Variants in PCDH15 observed in about 807,000 individuals in gnomAD.
The protein encoded by PCDH15 is protocadherin-15.
A neutral mutation model predicts 178.5 loss-of-function variants in PCDH15; 129 were observed. The ratio of observed to expected loss-of-function variants is 0.72; its 90% CI spans 0.63 to 0.84. The LOEUF (loss-of-function observed/expected upper bound fraction) is 0.84. Among genes scored for constraint, PCDH15 ranks in the 40% least tolerant of loss-of-function variants. The pLI is 0.00. For missense variants in PCDH15, 2,230 were observed against 2,099.9 expected, an observed-to-expected ratio of 1.06 and a Z score of -1.21; for synonymous variants, 800 against 732.0, an observed-to-expected ratio of 1.09 and a Z score of -1.50.
chr10:55,308,688 G>C (rs1843494767), intron 1 of PCDH15, among the ~76,000 whole-genome samples: 1 of 152,132 alleles, frequency 6.6e-6, no homozygotes, highest in South Asian at 2.1e-4. Context: ...AAAATCACCT[G>C]TTCCTACTTA....
intron 13 of PCDH15, among the ~76,000 whole-genome samples, chr10:54,176,152 G>A (rs1006541078): frequency 2.6e-5 from 4 of 152,086 alleles, no homozygotes; most frequent in South Asian, 2.1e-4. Context: ...TACATTAGTC[G>A]AGGGAATTAA....
intron 2 of PCDH15, among the ~76,000 whole-genome samples, chr10:54,932,828 C>A (rs917204758): frequency 6.6e-6 from 1 of 152,032 alleles, no homozygotes; most frequent in Non-Finnish European, 1.5e-5. Flanking sequence ...TGAGCCACTG[C>A]GTCCAGCCCA....
At chr10:55,458,843 AC>A (rs1330872288) in intron 2 of PCDH15, among the ~76,000 whole-genome samples, 2 of 152,086 alleles carry the variant, frequency 1.3e-5, no homozygotes, top group African/African-American at 4.8e-5. Context: ...GACAATACGT[AC>A]AGACTAGTGA....
At chr10:55,226,777 A>G (rs1307336509) in intron 1 of PCDH15, among the ~76,000 whole-genome samples, 8 of 152,096 alleles carry the variant, frequency 5.3e-5, no homozygotes, top group Non-Finnish European at 2.9e-5. Flanking sequence ...TTTAAAACAG[A>G]AAATATTTAA....
rs759034797 is a variant in PCDH15 at position 54,183,545 on chromosome 10, T to A, written c.1489A>T (p.Ile497Phe). ...TTATCATTTGCATCCATCACTTGAA[T>A]ATTGACGATGACTGGCTCACTTTCT... ...VQESEPVIVN[I>F]QVMDANDNTP... The change falls in exon 13 of 38, where the codon ATT (isoleucine) becomes TTT (phenylalanine). Residue 497 changes from isoleucine to phenylalanine, a missense_variant. By Grantham distance (21) the Ile-to-Phe change is conservative. Coordinates refer to ENST00000644397, the MANE Select transcript of PCDH15 (RefSeq NM_001384140.1). 1 of 1,614,038 alleles carries A rather than the reference T, an allele frequency of 6.2e-7. No homozygotes were observed. Among genetic ancestry groups the A allele is most frequent in the Non-Finnish European group, 8.5e-7 (1 of 1,179,966 alleles).
intron 2 of PCDH15, among the ~76,000 whole-genome samples, chr10:55,039,277 G>A (rs1291066699): frequency 6.6e-6 from 1 of 152,038 alleles, no homozygotes; most frequent in East Asian, 1.9e-4. Context: ...TTTTAATTGT[G>A]TTCATGAAGA....
intron 8 of PCDH15, among the ~76,000 whole-genome samples, chr10:54,247,382 A>T (rs2056053672): frequency 6.6e-6 from 1 of 152,010 alleles, no homozygotes; most frequent in Non-Finnish European, 1.5e-5. Flanking sequence ...TGGCACACGG[A>T]GACTCAAAAA....
At chr10:55,033,683 TTTAAAG>T (rs1840666541) in intron 2 of PCDH15, among the ~76,000 whole-genome samples, 1 of 152,182 alleles carries the variant, frequency 6.6e-6, no homozygotes, top group South Asian at 2.1e-4. Context: ...GGACTTAGAC[TTTAAAG>T]TTGATTCTGA....
At chr10:53,842,462 G>A (rs922366529) in intron 28 of PCDH15, among the ~76,000 whole-genome samples, 5 of 152,084 alleles carry the variant, frequency 3.3e-5, no homozygotes, top group African/African-American at 1.2e-4. Context: ...GGTCAGGCTG[G>A]TCTCAAATTC....
At chr10:53,978,947 G>GCCATTCAACAAATCTCTAT (rs1040619612) in intron 21 of PCDH15, among the ~76,000 whole-genome samples, 15 of 152,086 alleles carry the variant, frequency 9.9e-5, no homozygotes, top group Non-Finnish European at 2.2e-4. Context: ...TTTGTTCAAA[G>GCCATTCAACAAATCTCTAT]CCATTCAACA....
intron 2 of PCDH15, among the ~76,000 whole-genome samples, chr10:55,366,633 C>A (rs1348911225): frequency 6.6e-6 from 1 of 152,010 alleles, no homozygotes; most frequent in African/African-American, 2.4e-5. Context: ...GTTAACAAAC[C>A]ATTTTTAGGA....
At chr10:53,810,809 A>G in intron 36 of PCDH15, 145 bp from the exon 37 acceptor site, 1 of 737,162 alleles carries the variant, frequency 1.4e-6, no homozygotes, top group South Asian at 1.5e-5. Context: ...TAAACTAGTT[A>G]CAAAACTATA....
At chr10:55,270,325 G>C (rs1395723645) in intron 1 of PCDH15, among the ~76,000 whole-genome samples, 4 of 151,556 alleles carry the variant, frequency 2.6e-5, no homozygotes, top group Non-Finnish European at 5.9e-5. Context: ...CACAGAAAAA[G>C]AAAATATCAT....
At chr10:55,552,126 G>C (rs1842014115) in intron 2 of PCDH15, among the ~76,000 whole-genome samples, 1 of 151,588 alleles carries the variant, frequency 6.6e-6, no homozygotes, top group Non-Finnish European at 1.5e-5. Context: ...ACTTATTCAA[G>C]GAAGGCTTAA....
At chr10:55,309,329 A>G (rs1843515987) in intron 1 of PCDH15, among the ~76,000 whole-genome samples, 1 of 152,126 alleles carries the variant, frequency 6.6e-6, no homozygotes, top group Admixed American at 6.5e-5. Flanking sequence ...CAGCCTGGGC[A>G]ACAAAGCAAG....
At chr10:54,819,660 A>C (rs1272383678) in intron 3 of PCDH15, among the ~76,000 whole-genome samples, 2 of 152,042 alleles carry the variant, frequency 1.3e-5, no homozygotes, top group African/African-American at 4.8e-5. Flanking sequence ...GCATTCAATA[A>C]TATGTAATAA....
At chr10:55,028,000 A>AT (rs750745880) in intron 2 of PCDH15, among the ~76,000 whole-genome samples, 1 of 151,778 alleles carries the variant, frequency 6.6e-6, no homozygotes, top group Non-Finnish European at 1.5e-5. Flanking sequence ...ACCACAAAAA[A>AT]CTCAATCTGT....
chr10:55,269,081 A>G lies in PCDH15; in HGVS notation c.-156+50518T>C, dbSNP rs569984245. On this transcript the variant is annotated intron_variant, in intron 1 of 5. Transcript: ENST00000458638. ...CAGAAAAAGCTTTCAACATAATCCA[A>G]CATCTCTTCATGATAACCACAATCA... Among the ~76,000 whole-genome samples, 9 of 152,262 alleles carry G rather than the reference A, an allele frequency of 5.9e-5. No homozygotes were observed. The South Asian group carries it at 1.7e-3, about 28-fold the overall frequency.
chr10:54,368,448 T>A (rs2134690956), intron 5 of PCDH15, among the ~76,000 whole-genome samples: 1 of 152,158 alleles, frequency 6.6e-6, no homozygotes, highest in Admixed American at 6.6e-5. Context: ...AGAAATATTT[T>A]GTAGCTTAAT....
Sources: allele counts gnomAD v4.1 joint callset (sites outside exome capture counted in the v4.1 genomes callset), GRCh38; gene constraint gnomAD v4.1.1; transcripts MANE v1.5; gene names NCBI Gene and HGNC (gene_info 2026-07-23, HGNC 2026-07-21).